Variants in HS6ST3 observed in about 807,000 individuals in gnomAD.
HS6ST3 encodes heparan sulfate 6-O-sulfotransferase 3.
HS6ST3 carries 12 observed loss-of-function variants against 36.7 expected under a neutral mutation model. That is an observed-to-expected ratio of 0.33 (90% CI 0.21 to 0.53). HS6ST3 has a LOEUF of 0.53. Among genes scored for constraint, HS6ST3 ranks in the 20% least tolerant of loss-of-function variants. The probability of loss-of-function intolerance (pLI) is 0.95; values close to 1 mark genes in which losing one functional copy is unlikely to be tolerated. For missense variants in HS6ST3, 584 were observed against 640.9 expected (o/e 0.91, Z 0.96); for synonymous variants, 240 against 257.5 (o/e 0.93, Z 0.65).
At chr13:96,676,516 A>G (rs1045415734) in intron 1 of HS6ST3, among the ~76,000 whole-genome samples, 16 of 152,180 alleles carry the variant, frequency 1.1e-4, no homozygotes, top group African/African-American at 3.9e-4. Context: ...AATGAAATTG[A>G]ATTATTCGAG....
intron 1 of HS6ST3, among the ~76,000 whole-genome samples, chr13:96,278,427 T>A (rs572684089): frequency 6.6e-6 from 1 of 152,292 alleles, no homozygotes; most frequent in East Asian, 1.9e-4. Context: ...AAACTCTTTT[T>A]TAAAGAAGGG....
chr13:96,165,552 G>T (rs540624741), intron 1 of HS6ST3, among the ~76,000 whole-genome samples: 1 of 152,196 alleles, frequency 6.6e-6, no homozygotes, highest in Non-Finnish European at 1.5e-5. Flanking sequence ...GCTTGCAACT[G>T]CAGAGATGTA....
chr13:96,091,550 C>A lies in HS6ST3; in HGVS notation c.688C>A (p.Arg230Ser). 1 of 1,581,860 alleles carries A rather than the reference C, an allele frequency of 6.3e-7. No homozygotes were observed. Residue 230 changes from arginine (R) to serine (S), a missense_variant, in exon 1 of 2, where the codon CGC (arginine) becomes AGC (serine). This residue lies in a region of HS6ST3 where 360 missense variants were observed against 411.3 expected (regional missense o/e 0.88). Coordinates refer to ENST00000376705, the MANE Select transcript of HS6ST3 (RefSeq NM_153456.4). ...CATCATGGAGAAGAAGGACTGTCCC[C>A]GCAACCACAGCCACACCAGGTACTG... is the stretch of plus-strand genomic sequence containing the variant. ...PAIMEKKDCP[R>S]NHSHTRNFYY...
At chr13:96,586,527 C>A (rs1270682913) in intron 1 of HS6ST3, among the ~76,000 whole-genome samples, 1 of 152,092 alleles carries the variant, frequency 6.6e-6, no homozygotes, top group Non-Finnish European at 1.5e-5. Context: ...AACTCTTGAC[C>A]TCAGATGATC....
intron 1 of HS6ST3, among the ~76,000 whole-genome samples, chr13:96,761,402 G>A (rs538721431): frequency 6.6e-6 from 1 of 151,500 alleles, no homozygotes; most frequent in East Asian, 1.9e-4. Flanking sequence ...TCTTATCTTC[G>A]TTGTTGGGTT....
intron 1 of HS6ST3, among the ~76,000 whole-genome samples, chr13:96,362,625 A>G (rs2055243936): frequency 6.6e-6 from 1 of 152,198 alleles, no homozygotes; most frequent in African/African-American, 2.4e-5. Flanking sequence ...GTCACACCCA[A>G]TTAAGAAAAT....
intron 1 of HS6ST3, among the ~76,000 whole-genome samples, chr13:96,743,739 T>G (rs1056912095): frequency 6.6e-6 from 1 of 152,114 alleles, no homozygotes; most frequent in Non-Finnish European, 1.5e-5. Flanking sequence ...GAGGGCTCTC[T>G]TGTAATATAC....
At chr13:96,443,302 G>C (rs1048884137) in intron 1 of HS6ST3, among the ~76,000 whole-genome samples, 5 of 151,852 alleles carry the variant, frequency 3.3e-5, no homozygotes, top group Admixed American at 2.6e-4. Flanking sequence ...AGGCTGAGGC[G>C]GGCGGATCAC....
chr13:96,250,384 A>T (rs2054602456), intron 1 of HS6ST3, among the ~76,000 whole-genome samples: 1 of 152,210 alleles, frequency 6.6e-6, no homozygotes, highest in Admixed American at 6.5e-5. Flanking sequence ...AAGAATCTGG[A>T]GATGACATCA....
intron 1 of HS6ST3, among the ~76,000 whole-genome samples, chr13:96,379,960 A>C (rs550270469): frequency 6.6e-6 from 1 of 152,318 alleles, no homozygotes; most frequent in South Asian, 2.1e-4. Context: ...ACCAGTTTCT[A>C]TTAAAATGAT....
At chr13:96,407,692 C>T (rs757136913) in intron 1 of HS6ST3, among the ~76,000 whole-genome samples, 1 of 151,986 alleles carries the variant, frequency 6.6e-6, no homozygotes, top group African/African-American at 2.4e-5. Flanking sequence ...AAATTGTCCT[C>T]GTCCATGGAG....
chr13:96,338,504 C>T (rs1156562007), intron 1 of HS6ST3, among the ~76,000 whole-genome samples: 4 of 152,152 alleles, frequency 2.6e-5, no homozygotes, highest in African/African-American at 4.8e-5. Context: ...GGGGCAGTCA[C>T]CTGGCCAAGA....
intron 1 of HS6ST3, among the ~76,000 whole-genome samples, chr13:96,291,374 CAG>C (rs2054829079): frequency 6.6e-6 from 1 of 152,128 alleles, no homozygotes; most frequent in Non-Finnish European, 1.5e-5. Flanking sequence ...TGTGTAGAAA[CAG>C]AGTGAGGCAC....
intron 1 of HS6ST3, among the ~76,000 whole-genome samples, chr13:96,199,515 C>T (rs1301218224): frequency 1.3e-5 from 2 of 152,094 alleles, no homozygotes; most frequent in Non-Finnish European, 2.9e-5. Context: ...TAGCCAAGTG[C>T]CTACTCAGCA....
chr13:96,289,411 G>A (rs958620896), intron 1 of HS6ST3, among the ~76,000 whole-genome samples: 6 of 152,104 alleles, frequency 3.9e-5, no homozygotes, highest in Non-Finnish European at 8.8e-5. Context: ...ACTGGAATAA[G>A]TACCCTGAAA....
At chr13:96,518,973 AT>A (rs1313146858) in intron 1 of HS6ST3, among the ~76,000 whole-genome samples, 1 of 152,146 alleles carries the variant, frequency 6.6e-6, no homozygotes, top group Non-Finnish European at 1.5e-5. Context: ...GAAAACATTT[AT>A]TTTCACATTT....
At chr13:96,668,495 G>A (rs970627262) in intron 1 of HS6ST3, among the ~76,000 whole-genome samples, 11 of 151,998 alleles carry the variant, frequency 7.2e-5, no homozygotes, top group African/African-American at 2.4e-4. Context: ...TACCCTGTGA[G>A]GCAGCTCCCT....
At chr13:96,450,454 CTT>C (rs1466381829) in intron 1 of HS6ST3, among the ~76,000 whole-genome samples, 1 of 152,142 alleles carries the variant, frequency 6.6e-6, no homozygotes, top group African/African-American at 2.4e-5. Context: ...ATAAAGATGT[CTT>C]TAAACATTTT....
intron 1 of HS6ST3, among the ~76,000 whole-genome samples, chr13:96,378,783 A>G (rs958540983): frequency 6.6e-6 from 1 of 152,184 alleles, no homozygotes; most frequent in African/African-American, 2.4e-5. Context: ...GCTCACAGGC[A>G]TACCTCTACC....
Sources: allele counts gnomAD v4.1 joint callset (sites outside exome capture counted in the v4.1 genomes callset), GRCh38; gene constraint gnomAD v4.1.1; regional missense constraint gnomAD v4.1.1; transcripts MANE v1.5; gene names NCBI Gene and HGNC (gene_info 2026-07-23, HGNC 2026-07-21).